Variants in GRID2 observed in about 807,000 individuals in gnomAD.
GRID2 encodes the protein glutamate ionotropic receptor delta type subunit 2.
In GRID2, 33 loss-of-function variants were observed where a neutral mutation model predicts 114.8. The observed-to-expected ratio is 0.29, with a 90% CI of 0.22 to 0.38. The LOEUF is 0.38. Among genes scored for constraint, GRID2 ranks in the 10% least tolerant of loss-of-function variants. The pLI is 1.00. For synonymous variants in GRID2, 505 were observed against 449.9 expected (o/e 1.12, Z -1.55); for missense variants, 1,184 against 1,257.7 (o/e 0.94, Z 0.89).
chr4:93,379,498 A>G (rs374834432), intron 8 of GRID2, among the ~76,000 whole-genome samples: 2 of 152,096 alleles, frequency 1.3e-5, no homozygotes, highest in African/African-American at 4.8e-5. Context: ...TTTTCCTACC[A>G]TTTAGCAGAT....
At chr4:92,685,776 C>T (rs1733868766) in intron 2 of GRID2, among the ~76,000 whole-genome samples, 1 of 151,994 alleles carries the variant, frequency 6.6e-6, no homozygotes, top group South Asian at 2.1e-4. Flanking sequence ...TCTTTATATT[C>T]TCTACCTGTT....
intron 11 of GRID2, among the ~76,000 whole-genome samples, chr4:93,488,024 C>T (rs1726588410): frequency 6.6e-6 from 1 of 151,878 alleles, no homozygotes; most frequent in South Asian, 2.1e-4. Context: ...TTAAAAAACT[C>T]AAGTATGCTT....
chr4:93,570,555 A>G (rs1197299825), intron 13 of GRID2, among the ~76,000 whole-genome samples: 1 of 152,174 alleles, frequency 6.6e-6, no homozygotes, highest in Non-Finnish European at 1.5e-5. Context: ...TGATTCTGCT[A>G]TGGGTAATGA....
chr4:92,311,749 A>T (rs1725717944), intron 1 of GRID2, among the ~76,000 whole-genome samples: 1 of 152,168 alleles, frequency 6.6e-6, no homozygotes, highest in South Asian at 2.1e-4. Context: ...CATTACTACC[A>T]ACATGTAGTA....
chr4:92,870,536 A>C (rs1482051452), intron 2 of GRID2, among the ~76,000 whole-genome samples: 1 of 152,106 alleles, frequency 6.6e-6, no homozygotes, highest in East Asian at 1.9e-4. Flanking sequence ...TATAATGTGA[A>C]TAGGTGAGAT....
intron 2 of GRID2, among the ~76,000 whole-genome samples, chr4:93,074,026 G>A (rs981832409): frequency 1.3e-5 from 2 of 152,198 alleles, no homozygotes; most frequent in Non-Finnish European, 2.9e-5. Context: ...GTGCAGCTGT[G>A]AAGGGACAAC....
chr4:92,698,702 TA>T (rs1184704806), intron 2 of GRID2, among the ~76,000 whole-genome samples: 1 of 151,950 alleles, frequency 6.6e-6, no homozygotes, highest in African/African-American at 2.4e-5. Flanking sequence ...ATAAATATAT[TA>T]TTTTAAAAAT....
At chr4:93,309,824 G>A (rs984127731) in intron 8 of GRID2, among the ~76,000 whole-genome samples, 5 of 152,138 alleles carry the variant, frequency 3.3e-5, no homozygotes, top group African/African-American at 1.2e-4. Flanking sequence ...TTAAGTGCAG[G>A]AAGAGGGCAT....
chr4:93,218,211 C>T (rs571223330), intron 6 of GRID2, among the ~76,000 whole-genome samples: 1 of 152,160 alleles, frequency 6.6e-6, no homozygotes, highest in Non-Finnish European at 1.5e-5. Context: ...TAGAATAGGT[C>T]CTTTCCATGG....
intron 8 of GRID2, among the ~76,000 whole-genome samples, chr4:93,366,035 G>A (rs1314730161): frequency 6.6e-6 from 1 of 152,030 alleles, no homozygotes; most frequent in African/African-American, 2.4e-5. Context: ...TGAGGAGGAT[G>A]TATATTGCCT....
At chr4:92,802,722 C>T (rs1042309561) in intron 2 of GRID2, among the ~76,000 whole-genome samples, 1 of 151,804 alleles carries the variant, frequency 6.6e-6, no homozygotes, top group Non-Finnish European at 1.5e-5. Context: ...TTATTTTATT[C>T]TTCTGAGCAT....
At chr4:93,016,784 A>C (rs1722787866) in intron 2 of GRID2, among the ~76,000 whole-genome samples, 1 of 152,222 alleles carries the variant, frequency 6.6e-6, no homozygotes, top group South Asian at 2.1e-4. Flanking sequence ...CATATTAGAT[A>C]TCAAGTCAAG....
chr4:93,779,827 G>A (rs1284573440), intron 1 of GRID2, among the ~76,000 whole-genome samples: 9 of 152,180 alleles, frequency 5.9e-5, no homozygotes, highest in Non-Finnish European at 1.3e-4. Flanking sequence ...AGTAGACCAC[G>A]ATGTCTGGAA....
chr4:93,241,138 G>A (rs1322746179), intron 8 of GRID2, among the ~76,000 whole-genome samples: 1 of 151,496 alleles, frequency 6.6e-6, no homozygotes, highest in Non-Finnish European at 1.5e-5. Flanking sequence ...ATATAATATG[G>A]TATCTTCTAA....
chr4:92,644,819 A>G (rs917271656), intron 2 of GRID2, among the ~76,000 whole-genome samples: 4 of 151,718 alleles, frequency 2.6e-5, no homozygotes, highest in African/African-American at 9.6e-5. Context: ...AAATGTTTAT[A>G]TTCATATAAG....
chr4:93,064,704 A>T (rs150030756), intron 2 of GRID2, among the ~76,000 whole-genome samples: 1 of 152,054 alleles, frequency 6.6e-6, no homozygotes, highest in Admixed American at 6.6e-5. Flanking sequence ...TGTGTTTCAC[A>T]TCTAAAACTT....
At chr4:93,544,074 T>C (rs753960785) in intron 13 of GRID2, among the ~76,000 whole-genome samples, 2 of 152,212 alleles carry the variant, frequency 1.3e-5, no homozygotes, top group Non-Finnish European at 2.9e-5. Context: ...GCTAGACACA[T>C]TTCAGAGGAA....
chr4:93,180,374 G>C (rs530656721), intron 4 of GRID2, among the ~76,000 whole-genome samples: 1 of 152,092 alleles, frequency 6.6e-6, no homozygotes, highest in Non-Finnish European at 1.5e-5. Context: ...AATCATCTGG[G>C]CCTTTAGTGA....
Position 93,515,349 on chromosome 4 carries a change from A to G in GRID2, c.2131A>G (p.Met711Val), listed in dbSNP as rs926442344. The G allele has an allele frequency of 2.5e-6, 4 of 1,613,180 alleles. No individual in the cohort carries two copies. Among genetic ancestry groups the G allele is most frequent in the Non-Finnish European group, 3.4e-6 (4 of 1,179,318 alleles). The change falls in exon 13 of 16, where the codon ATG (methionine) becomes GTG (valine). Residue 711 changes from methionine (M) to valine (V), a missense_variant. Physicochemically the swap from Met to Val is conservative, Grantham distance 21. Around this residue, in one of 3 missense-constraint regions of GRID2, gnomAD observed 717 missense variants for 796.9 expected, o/e 0.90. Transcript: ENST00000282020. ...RDSMYSQMWRMINRSNGSENN... is the reference protein window; with the variant it reads ...RDSMYSQMWRVINRSNGSENN... Reference sequence around the variant, plus strand: ...CAGCATGTATTCCCAAATGTGGCGGATGATCAACCGAAGCAATGGATCGGA... The same window carrying G: ...CAGCATGTATTCCCAAATGTGGCGGGTGATCAACCGAAGCAATGGATCGGA...
Sources: allele counts gnomAD v4.1 joint callset (sites outside exome capture counted in the v4.1 genomes callset), GRCh38; gene constraint gnomAD v4.1.1; regional missense constraint gnomAD v4.1.1; transcripts MANE v1.5; gene names NCBI Gene and HGNC (gene_info 2026-07-23, HGNC 2026-07-21).